The following CDH4 variants were observed in gnomAD, a reference collection of about 807,000 sequenced individuals.
The protein encoded by CDH4 is cadherin 4.
A neutral mutation model predicts 86.0 loss-of-function variants in CDH4; 33 were observed. The observed-to-expected ratio is 0.38, with a 90% confidence interval of 0.29 to 0.51. CDH4 has a LOEUF of 0.51. Ranked by LOEUF, CDH4 falls within the 20% of genes least tolerant of loss-of-function variation. The probability of loss-of-function intolerance (pLI) is 0.86; values close to 1 mark genes in which losing one functional copy is unlikely to be tolerated. For synonymous variants in CDH4, 555 were observed against 549.4 expected, an observed-to-expected ratio of 1.01 and a Z score of -0.14; for missense variants, 1,114 against 1,307.4, an observed-to-expected ratio of 0.85 and a Z score of 2.28.
chr20:61,501,711 T>A lies in CDH4; in HGVS notation c.170-241852T>A, dbSNP rs965301900. On this transcript the variant is annotated intron_variant, in intron 2 of 15. Coordinates refer to ENST00000614565, the MANE Select transcript of CDH4 (RefSeq NM_001794.5). This position sits in a 1 kb window ranked among gnomAD's most constrained non-coding sequence, Gnocchi z 4.2. ...GAAGAGGGTACTGGAATACTAGCTA[T>A]CTTCACAAGCACCACCCCGCCACTG... is the stretch of plus-strand genomic sequence containing the variant. Among the ~76,000 whole-genome samples, 1 of 152,084 alleles carries A rather than the reference T, an allele frequency of 6.6e-6. No homozygotes were observed. The highest frequency in any genetic ancestry group is 2.4e-5 in the African/African-American group (1 of 41,412).
At chr20:61,556,932 G>C (rs918099862) in intron 2 of CDH4, among the ~76,000 whole-genome samples, 2 of 151,972 alleles carry the variant, frequency 1.3e-5, no homozygotes, top group Non-Finnish European at 2.9e-5. Flanking sequence ...GCCTCAGTTT[G>C]GGGCCTGATG....
chr20:61,920,714 C>G (rs1026958705), intron 9 of CDH4, among the ~76,000 whole-genome samples: 1 of 123,648 alleles, frequency 8.1e-6, no homozygotes, highest in African/African-American at 3.2e-5. Flanking sequence ...CGTGGTGTCA[C>G]GGTGATTGCA....
At chr20:61,931,949 G>A (rs1474310313) in intron 13 of CDH4, among the ~76,000 whole-genome samples, 2 of 152,082 alleles carry the variant, frequency 1.3e-5, no homozygotes, top group Non-Finnish European at 2.9e-5. Flanking sequence ...GACCCCCTCG[G>A]TACTGGGTGG....
At chr20:61,350,668 C>T (rs1187373009) in intron 2 of CDH4, among the ~76,000 whole-genome samples, 2 of 151,778 alleles carry the variant, frequency 1.3e-5, no homozygotes, top group Non-Finnish European at 1.5e-5. Flanking sequence ...ATGATGCCAG[C>T]AGGACACCTC....
chr20:61,301,134 C>T (rs750845550), intron 2 of CDH4, among the ~76,000 whole-genome samples: 2 of 152,274 alleles, frequency 1.3e-5, no homozygotes, highest in African/African-American at 2.4e-5. Context: ...GCCCTCAGCC[C>T]GCTTCACAGA....
At chr20:61,927,971 G>A (rs774592954) in intron 11 of CDH4, among the ~76,000 whole-genome samples, 56 of 152,258 alleles carry the variant, frequency 3.7e-4, no homozygotes, top group Non-Finnish European at 7.1e-4. Flanking sequence ...GGCTGCCCAT[G>A]GCGTGTGGCA....
intron 2 of CDH4, among the ~76,000 whole-genome samples, chr20:61,297,909 T>C (rs1407702610): frequency 2.0e-5 from 3 of 152,244 alleles, no homozygotes; most frequent in Non-Finnish European, 2.9e-5. Flanking sequence ...CGGGCAGTGC[T>C]CGCCTGTGGC....
intron 2 of CDH4, among the ~76,000 whole-genome samples, chr20:61,612,985 A>C (rs2086696696): frequency 6.6e-6 from 1 of 152,072 alleles, no homozygotes. Context: ...GACCATGAAC[A>C]GCCAGCCACA....
chr20:61,326,121 G>T (rs1166632698), intron 2 of CDH4, among the ~76,000 whole-genome samples: 1 of 152,214 alleles, frequency 6.6e-6, no homozygotes, highest in Non-Finnish European at 1.5e-5. Flanking sequence ...GTGGAGGATG[G>T]AGTAAGGTGG....
intron 2 of CDH4, among the ~76,000 whole-genome samples, chr20:61,552,265 C>G (rs543243622): frequency 6.6e-6 from 1 of 152,144 alleles, no homozygotes; most frequent in Non-Finnish European, 1.5e-5. Flanking sequence ...AGAACTCTTA[C>G]AACTTAATAA....
At chr20:61,827,330 A>G (rs1981372091) in intron 4 of CDH4, among the ~76,000 whole-genome samples, 2 of 152,246 alleles carry the variant, frequency 1.3e-5, no homozygotes, top group African/African-American at 4.8e-5. Context: ...GGTGGGATAT[A>G]GTCCAAGACC....
chr20:61,354,322 C>A (rs2084733704), intron 2 of CDH4, among the ~76,000 whole-genome samples: 1 of 152,164 alleles, frequency 6.6e-6, no homozygotes, highest in African/African-American at 2.4e-5. Flanking sequence ...GGAGTCAAAT[C>A]ATTCTCCTTT....
intron 2 of CDH4, among the ~76,000 whole-genome samples, chr20:61,603,956 CAT>C (rs1449462398): frequency 2.0e-5 from 3 of 152,118 alleles, no homozygotes; most frequent in African/African-American, 4.8e-5. Flanking sequence ...GGCACACACA[CAT>C]GTACATGAGC....
At chr20:61,536,348 G>A (rs1361658736) in intron 2 of CDH4, among the ~76,000 whole-genome samples, 3 of 152,216 alleles carry the variant, frequency 2.0e-5, no homozygotes, top group Non-Finnish European at 4.4e-5. Flanking sequence ...GGATCCACTG[G>A]GTGGTGGTGG....
At chr20:61,490,590 T>TC (rs1335366323) in intron 2 of CDH4, among the ~76,000 whole-genome samples, 1 of 151,924 alleles carries the variant, frequency 6.6e-6, no homozygotes, top group Non-Finnish European at 1.5e-5. Flanking sequence ...TCCCAGCTAC[T>TC]CGGGAGGCTG....
At chr20:61,816,958 G>A (rs1001520195) in intron 4 of CDH4, among the ~76,000 whole-genome samples, 15 of 152,188 alleles carry the variant, frequency 9.9e-5, no homozygotes, top group Non-Finnish European at 1.9e-4. Context: ...AGTGGCTTGG[G>A]GTAAAAGGTG....
intron 2 of CDH4, among the ~76,000 whole-genome samples, chr20:61,455,602 C>T (rs778557765): frequency 6.6e-6 from 1 of 152,214 alleles, no homozygotes; most frequent in East Asian, 1.9e-4. Flanking sequence ...GACTAGCCAG[C>T]GACTAGCCAG....
intron 2 of CDH4, among the ~76,000 whole-genome samples, chr20:61,658,798 G>T (rs1280489112): frequency 6.6e-6 from 1 of 152,198 alleles, no homozygotes; most frequent in Non-Finnish European, 1.5e-5. Context: ...ACCCACAGTG[G>T]ACATGGAGGC....
rs145182710 is a variant in CDH4 at position 61,574,148 on chromosome 20, C to T, written c.170-169415C>T. ...GGCCCCTCGCCTGGAGCTTGCTGGG[C>T]GTGGTGACCACAAAGGTGCCTTCCC... On this transcript the variant is annotated intron_variant, in intron 2 of 15. Transcript: ENST00000614565. Among the ~76,000 whole-genome samples, 410 of 152,364 alleles carry T rather than the reference C, an allele frequency of 2.7e-3. 3 individuals carry two copies. Among genetic ancestry groups the T allele is most frequent in the African/African-American group, 9.3e-3 (388 of 41,592 alleles).
Sources: gnomAD v4.1 joint callset for allele counts (sites outside exome capture counted in the v4.1 genomes callset) on GRCh38, gnomAD v4.1.1 for gene constraint, Gnocchi (gnomAD v3.1) non-coding constraint, MANE v1.5 for transcripts, NCBI Gene and HGNC (gene_info 2026-07-23, HGNC 2026-07-21) for gene names.